The following ZNF544 variants were observed in gnomAD, a reference collection of about 807,000 sequenced individuals.
ZNF544 encodes zinc finger protein AF020591.
A neutral mutation model predicts 13.5 loss-of-function variants in ZNF544; 10 were observed. The observed-to-expected ratio is 0.74, with a 90% CI of 0.46 to 1.25. The LOEUF is 1.25. ZNF544 is among the 50% of genes most tolerant of loss of function. The pLI is 0.00. For synonymous variants in ZNF544, 323 were observed against 300.5 expected (o/e 1.07, Z -0.77); for missense variants, 896 against 845.6 (o/e 1.06, Z -0.74).
In ZNF544 at chr19:58,261,339, A is replaced by G. The variant is rs1215138203; in HGVS notation, c.733A>G (p.Ile245Val). The G allele has an allele frequency of 6.2e-7, 1 of 1,614,160 alleles. No homozygotes were observed. The stretch of plus-strand genomic sequence containing the variant: ...AGGAAAGAAAAACCCTTATGAATAT[A>G]TTGTCAGTGGTGACTCTCTCAACTA... ...ETGKKNPYEY[I>V]VSGDSLNYGS... The change falls in exon 7 of 7, where the codon ATT becomes GTT. Residue 245 changes from isoleucine to valine, a missense_variant. Transcript: ENST00000687789.
At chr19:58,247,679 A>T (rs1213549962) in intron 6 of ZNF544, 1 of 151,930 alleles carries the variant, frequency 6.6e-6, no homozygotes, top group Non-Finnish European at 1.5e-5. Flanking sequence ...TACAGGTATG[A>T]GCCACTGCAC....
At position 58,262,691 on chromosome 19, in the gene ZNF544, A is replaced by G. The variant is rs1195712311; in HGVS notation, c.2085A>G (p.Lys695=). 6.2e-7 allele frequency: 1 copy of G among 1,612,648 alleles called. No homozygotes were observed. The highest frequency in any genetic ancestry group is 1.1e-5 in the South Asian group (1 of 91,024). Residue 695 remains lysine, a synonymous_variant, in exon 7 of 7, where the codon AAA becomes AAG. Transcript: ENST00000687789. ...EKPYECSDCG[K]SFRQQSQLVV... ...CCTATGAATGTAGTGACTGTGGGAA[A>G]TCCTTCCGGCAGCAATCTCAACTTG...
At chr19:58,264,694 A>C (rs61043504), downstream of ZNF544, among the ~76,000 whole-genome samples, 2,154 of 151,642 alleles carry the variant, frequency 0.014, 38 homozygotes, top group African/African-American at 0.048. Context: ...GTGTCTCAAA[A>C]AAACAAACAA....
intron 6 of ZNF544, among the ~76,000 whole-genome samples, chr19:58,256,178 GAAAA>G (rs907650865): frequency 3.3e-5 from 5 of 152,122 alleles, no homozygotes; most frequent in Admixed American, 1.3e-4. Context: ...AACAAAAAGA[GAAAA>G]GAAAGAAATC....
rs151079932 is a variant in ZNF544, at chr19:58,274,298, T to C, written c.245-2025T>C. Among the ~76,000 whole-genome samples, 566 of 152,276 alleles carry C rather than the reference T, an allele frequency of 3.7e-3. 3 individuals are homozygous for C. The highest frequency in any genetic ancestry group is 0.012 in the African/African-American group (510 of 41,566). On this transcript the variant is annotated intron_variant, in intron 5 of 6. Transcript: ENST00000595981. ...AGACCTTATTTGGAGACAGTGTCTT[T>C]AAAGAGCTGAAATGAGGTCATTAGA...
rs540144025 is a variant in ZNF544, at chr19:58,263,530, ACT to A, written c.*780_*781del. On this transcript the variant is annotated 3_prime_UTR_variant, in exon 7 of 7. Transcript: ENST00000687789. ...CTAGAAATCAGGTGGCCAAAACATG[ACT>A]CTCAGAGTGGGGCTTCATGACCATG... 6.9e-5 allele frequency: 68 copies of A among 985,266 alleles called. No homozygotes were observed. In the South Asian group the frequency reaches 2.7e-3, roughly 39 times the overall value. The allele number at this position is 985,266 out of a possible 1,614,324, so 61.0% of individuals were successfully genotyped here.
intron 5 of ZNF544, 129 bp downstream of exon 5, chr19:58,246,556 G>C: frequency 6.7e-7 from 1 of 1,487,586 alleles, no homozygotes. Flanking sequence ...GTTCCCAGGG[G>C]TTGCCCTTCA....
At chr19:58,264,939 G>A (rs1053204589), downstream of ZNF544, among the ~76,000 whole-genome samples, 17 of 151,776 alleles carry the variant, frequency 1.1e-4, no homozygotes, top group African/African-American at 4.1e-4. Context: ...GGGGGTGGGG[G>A]GGATGGTCTC....
chr19:58,270,737 T>C (rs1259238689), intron 5 of ZNF544, among the ~76,000 whole-genome samples: 1 of 152,182 alleles, frequency 6.6e-6, no homozygotes, highest in Non-Finnish European at 1.5e-5. Context: ...GGAGAGTAGA[T>C]GGGGAAAGTA....
At position 58,263,608 on chromosome 19, in the gene ZNF544, A is replaced by G; in HGVS notation, c.*854A>G. ...ACTGAAACTGTGTATTACCAAGCTC[A>G]CTCTAGCCAACTAAATAAAAATCTC... On this transcript the variant is annotated 3_prime_UTR_variant, in exon 7 of 7. Coordinates refer to ENST00000687789, the MANE Select transcript of ZNF544 (RefSeq NM_014480.4). The G allele has an allele frequency of 1.0e-6, 1 of 979,392 alleles. No homozygotes were observed. The highest frequency in any genetic ancestry group is 1.2e-6 in the Non-Finnish European group (1 of 824,486). The allele number at this position is 979,392 out of a possible 1,614,324, so 60.7% of individuals were successfully genotyped here.
chr19:58,260,932 T>A lies in ZNF544; in HGVS notation c.326T>A (p.Val109Glu). ...GAAGAACTATCCCACCACGTGGAAG[T>A]GTACAGGAGTGGACCGGAGGAGCCA... is the stretch of plus-strand genomic sequence containing the variant. ...AREELSHHVEVYRSGPEEPPS... is the reference protein window; with the variant it reads ...AREELSHHVEEYRSGPEEPPS... Residue 109 changes from valine to glutamate, a missense_variant, in exon 7 of 7, where the codon GTG becomes GAG. By Grantham distance (121) the Val-to-Glu change is moderately radical (BLOSUM62 -2). Transcript: ENST00000687789. 6.2e-7 allele frequency: 1 copy of A among 1,613,998 alleles called. No individual in the cohort carries two copies. Among genetic ancestry groups the A allele is most frequent in the South Asian group, 1.1e-5 (1 of 91,070 alleles).
Position 58,263,456 on chromosome 19 carries a change from TAAATAAA to T in ZNF544, c.*703_*709del. 1.0e-6 allele frequency: 1 copy of T among 985,280 alleles called. No homozygotes were observed. Among genetic ancestry groups the T allele is most frequent in the South Asian group, 4.7e-5 (1 of 21,280 alleles). 61.0% of individuals were successfully genotyped at this position (985,280 alleles called of 1,614,324 possible). A position where few individuals can be genotyped will look rare whatever the true frequency, so the allele number is the denominator to read the frequency against. ...TGCCTTGTGAGAGATTGAGACACTC[TAAATAAA>T]TAATAACCAAGATGGGAAATTTCCC... On this transcript the variant is annotated 3_prime_UTR_variant, in exon 7 of 7. Transcript: ENST00000687789.
Position 58,241,144 on chromosome 19 carries a change from A to AATATATATATATATTTTAATAT in ZNF544, c.-59-2805_-59-2804insTAATATATATATATATATATTT, listed in dbSNP as rs1555755485. On this transcript the variant is annotated intron_variant, in intron 3 of 6. Coordinates refer to ENST00000687789, the MANE Select transcript of ZNF544 (RefSeq NM_014480.4). Reference sequence around the variant, plus strand: ...GCACCACCATGGCCAGCCAATTTAAAATATATATATATATTTAAATATATA... The same window carrying AATATATATATATATTTTAATAT: ...GCACCACCATGGCCAGCCAATTTAAAATATATATATATATTTTAATATATATATATATATATTTAAATATATA... 2.0e-4 allele frequency among the ~76,000 whole-genome samples: 15 copies of AATATATATATATATTTTAATAT among 73,684 alleles called. 1 individual carries two copies. Among genetic ancestry groups the AATATATATATATATTTTAATAT allele is most frequent in the East Asian group, 4.0e-4 (1 of 2,484 alleles). The allele number at this position is 73,684 out of a possible 152,430, so 48.3% of individuals were successfully genotyped here.
At chr19:58,259,344 A>G (rs1166312461) in intron 6 of ZNF544, 2 of 152,264 alleles carry the variant, frequency 1.3e-5, no homozygotes, top group Admixed American at 1.3e-4. Context: ...AGATGCAATT[A>G]TGAGATCCAG....
At chr19:58,244,294 C>T (rs2044578275) in intron 4 of ZNF544, among the ~76,000 whole-genome samples, 1 of 151,862 alleles carries the variant, frequency 6.6e-6, no homozygotes, top group East Asian at 2.0e-4. Context: ...TCCACCAGGC[C>T]AGGTCTGTGC....
intron 6 of ZNF544, chr19:58,260,328 A>C (rs1473266187): frequency 6.6e-6 from 1 of 151,978 alleles, no homozygotes; most frequent in Non-Finnish European, 1.5e-5. Flanking sequence ...CCAGACTGGA[A>C]TGCAGTGGCC....
exon 7 of ZNF544, chr19:58,277,309 G>A (rs980006992): frequency 2.5e-6 from 3 of 1,209,982 alleles, no homozygotes; most frequent in Non-Finnish European, 3.1e-6. Flanking sequence ...AGCCCCTCGG[G>A]AGTCAGCTCC....
chr19:58,273,768 A>ATTCCTTTTT (rs1409441024), intron 5 of ZNF544, among the ~76,000 whole-genome samples: 1 of 151,692 alleles, frequency 6.6e-6, no homozygotes, highest in South Asian at 2.1e-4. Context: ...CACTCTTAAA[A>ATTCCTTTTT]GTCACTGAAG....
chr19:58,257,148 C>T (rs1285825480), intron 6 of ZNF544: 1 of 152,174 alleles, frequency 6.6e-6, no homozygotes, highest in East Asian at 1.9e-4. Context: ...GTCTCGATCT[C>T]CTGACCTCGT....
Sources: allele counts gnomAD v4.1 joint callset (sites outside exome capture counted in the v4.1 genomes callset), GRCh38; gene constraint gnomAD v4.1.1; transcripts MANE v1.5; gene names NCBI Gene and HGNC (gene_info 2026-07-23, HGNC 2026-07-21).